Variants in KLF13 observed in about 807,000 individuals in gnomAD.
KLF13 encodes the protein Krueppel-like factor 13.
Under a neutral mutation model 16.7 loss-of-function variants are expected in KLF13, and 8 were observed. The observed-to-expected ratio is 0.48, with a 90% CI of 0.28 to 0.87. The LOEUF (loss-of-function observed/expected upper bound fraction) is 0.87. KLF13 is among the 40% of genes least tolerant of loss of function. The pLI is 0.10. For synonymous variants in KLF13, 245 were observed against 208.4 expected (o/e 1.18, Z -1.51); for missense variants, 447 against 452.2 (o/e 0.99, Z 0.10).
chr15:31,363,738 A>AGCCTCC (rs2039422665), intron 1 of KLF13, among the ~76,000 whole-genome samples: 1 of 152,196 alleles, frequency 6.6e-6, no homozygotes, highest in South Asian at 2.1e-4. Context: ...CTCCTGCCTC[A>AGCCTCC]GCCTCCCAAA....
intron 1 of KLF13, among the ~76,000 whole-genome samples, chr15:31,422,138 A>G (rs1455348020): frequency 7.8e-6 from 1 of 128,776 alleles, no homozygotes; most frequent in South Asian, 2.5e-4. Context: ...CAAACAAAAA[A>G]AAAAAAAAAA....
chr15:31,356,675 G>C (rs1329098438), intron 1 of KLF13, among the ~76,000 whole-genome samples: 2 of 152,248 alleles, frequency 1.3e-5, no homozygotes, highest in African/African-American at 4.8e-5. Context: ...GTCTGAGGTT[G>C]ATTCACGTTT....
chr15:31,346,731 G>A (rs1056046170), intron 1 of KLF13, among the ~76,000 whole-genome samples: 18 of 152,234 alleles, frequency 1.2e-4, no homozygotes, highest in African/African-American at 3.9e-4. Context: ...CCTGTGCCTC[G>A]AAATCTTTCA....
At chr15:31,395,873 G>T (rs2039945625) in intron 2 of KLF13, among the ~76,000 whole-genome samples, 1 of 152,200 alleles carries the variant, frequency 6.6e-6, no homozygotes, top group African/African-American at 2.4e-5. Flanking sequence ...GCTGCTTGGT[G>T]GTGGAGCTGA....
rs1566848548 is a variant in KLF13, at chr15:31,423,167, A to ATATATACG, written n.118-12197_118-12196insCGTATATA. 1.3e-3 allele frequency among the ~76,000 whole-genome samples: 136 copies of ATATATACG among 107,276 alleles called. 9 individuals are homozygous for ATATATACG. The highest frequency in any genetic ancestry group is 1.6e-3 in the Non-Finnish European group (95 of 58,258). 70.4% of individuals were successfully genotyped at this position (107,276 alleles called of 152,430 possible). ...TACGTATATATACGTATATATATGT[A>ATATATACG]TATATATACATATATACGTATATAT... On this transcript the variant is annotated intron_variant and non_coding_transcript_variant, in intron 1 of 1. Coordinates refer to the KLF13 transcript ENST00000558225.
chr15:31,372,475 A>G lies in KLF13; in HGVS notation c.*176A>G, dbSNP rs867560649. 39 of 706,510 alleles carry G rather than the reference A, an allele frequency of 5.5e-5. No homozygotes were observed. Among genetic ancestry groups the G allele is most frequent in the African/African-American group, 5.4e-4 (29 of 53,938 alleles). The allele number at this position is 706,510 out of a possible 1,614,324, so 43.8% of individuals were successfully genotyped here. A position where few individuals can be genotyped will look rare whatever the true frequency, so the allele number is the denominator to read the frequency against. On this transcript the variant is annotated 3_prime_UTR_variant, in exon 2 of 2. Coordinates refer to ENST00000307145, the MANE Select transcript of KLF13 (RefSeq NM_015995.4). ...ACAAAAAAAACACAAAAATTTCAAA[A>G]AACACCACCCACCAAATTGCACAAT... is the stretch of plus-strand genomic sequence containing the variant.
At chr15:31,347,019 CTCA>C (rs2039133453) in intron 1 of KLF13, among the ~76,000 whole-genome samples, 1 of 152,146 alleles carries the variant, frequency 6.6e-6, no homozygotes, top group Non-Finnish European at 1.5e-5. Flanking sequence ...CCTGCTGGCT[CTCA>C]TCGGGGCTGG....
intron 1 of KLF13, among the ~76,000 whole-genome samples, chr15:31,342,187 C>T (rs1255440765): frequency 6.6e-6 from 1 of 152,164 alleles, no homozygotes; most frequent in Non-Finnish European, 1.5e-5. Flanking sequence ...AGTTGCCCTG[C>T]ACCCTGTGTC....
chr15:31,420,250 C>A, intron 1 of KLF13: 1 of 689,136 alleles, frequency 1.5e-6, no homozygotes, highest in South Asian at 1.3e-5. Context: ...AGCTGATGAC[C>A]CTCATGATAT....
At chr15:31,400,676 T>C (rs2040021541) in intron 2 of KLF13, among the ~76,000 whole-genome samples, 2 of 151,222 alleles carry the variant, frequency 1.3e-5, no homozygotes, top group South Asian at 4.2e-4. Flanking sequence ...GGTTTTGGAT[T>C]TTACTCAGAT....
At chr15:31,337,594 A>G (rs2038952422) in intron 1 of KLF13, among the ~76,000 whole-genome samples, 1 of 152,232 alleles carries the variant, frequency 6.6e-6, no homozygotes, top group Non-Finnish European at 1.5e-5. Context: ...GGCATAGCCT[A>G]CTGCACACCT....
At chr15:31,425,533 A>G (rs964183782) in intron 1 of KLF13, among the ~76,000 whole-genome samples, 1 of 152,218 alleles carries the variant, frequency 6.6e-6, no homozygotes, top group Non-Finnish European at 1.5e-5. Flanking sequence ...TGCTTTCTGG[A>G]ATAGTACCAA....
intron 1 of KLF13, among the ~76,000 whole-genome samples, chr15:31,425,626 T>C (rs1350823845): frequency 6.6e-6 from 1 of 152,122 alleles, no homozygotes. Flanking sequence ...CCTGTAATCC[T>C]AGGAGTTTGG....
downstream of KLF13, among the ~76,000 whole-genome samples, chr15:31,379,226 G>A (rs946716522): frequency 6.6e-6 from 1 of 152,182 alleles, no homozygotes; most frequent in Non-Finnish European, 1.5e-5. Flanking sequence ...ATACTGAACA[G>A]TCATAAAAAC....
At chr15:31,410,617 A>C (rs949896011) in intron 1 of KLF13, among the ~76,000 whole-genome samples, 3 of 106,750 alleles carry the variant, frequency 2.8e-5, no homozygotes, top group African/African-American at 8.8e-5. Flanking sequence ...ACACACACAC[A>C]CACACACACC....
At chr15:31,380,038 C>T (rs1455274362), downstream of KLF13, among the ~76,000 whole-genome samples, 2 of 152,192 alleles carry the variant, frequency 1.3e-5, no homozygotes, top group African/African-American at 4.8e-5. Flanking sequence ...TGGTTCACGC[C>T]TGTAATCCCA....
intron 1 of KLF13, among the ~76,000 whole-genome samples, chr15:31,337,055 C>T (rs956060411): frequency 6.6e-6 from 1 of 152,206 alleles, no homozygotes; most frequent in Non-Finnish European, 1.5e-5. Flanking sequence ...ATCTGCTCTC[C>T]AGACTTACTG....
At chr15:31,332,038 C>T (rs1042569285) in intron 1 of KLF13, among the ~76,000 whole-genome samples, 1 of 152,148 alleles carries the variant, frequency 6.6e-6, no homozygotes, top group Non-Finnish European at 1.5e-5. Flanking sequence ...ATGGAAAGGA[C>T]AGCTACATTG....
upstream of KLF13, among the ~76,000 whole-genome samples, chr15:31,391,406 G>C (rs984270110): frequency 2.3e-5 from 3 of 129,972 alleles, no homozygotes; most frequent in Non-Finnish European, 4.9e-5. Flanking sequence ...GGGCTGTAGG[G>C]CTGTGGAGGG....
Sources: allele counts gnomAD v4.1 joint callset (sites outside exome capture counted in the v4.1 genomes callset), GRCh38; gene constraint gnomAD v4.1.1; transcripts MANE v1.5; gene names NCBI Gene and HGNC (gene_info 2026-07-23, HGNC 2026-07-21).